The following PTPN11 variants were observed in gnomAD, a reference collection of about 807,000 sequenced individuals.
PTPN11 encodes protein tyrosine phosphatase non-receptor type 11, also known as tyrosine-protein phosphatase non-receptor type 11.
PTPN11 carries 6 observed loss-of-function variants against 78.8 expected under a neutral mutation model. The observed-to-expected ratio is 0.08, with a 90% CI of 0.04 to 0.15. PTPN11 has a LOEUF of 0.15. Ranked by LOEUF, PTPN11 falls within the 10% of genes least tolerant of loss-of-function variation. The pLI is 1.00. For synonymous variants in PTPN11, 221 were observed against 263.5 expected (o/e 0.84, Z 1.56); for missense variants, 386 against 744.8 (o/e 0.52, Z 5.61).
intron 1 of PTPN11, among the ~76,000 whole-genome samples, chr12:112,427,125 A>C (rs1222114386): frequency 6.6e-6 from 1 of 152,142 alleles, no homozygotes; most frequent in African/African-American, 2.4e-5. Flanking sequence ...GCATGCCTGT[A>C]GTCACAGCTA....
rs1248113094 is a variant in PTPN11, at chr12:112,482,646, C to G, written c.1224+441C>G. Among the ~76,000 whole-genome samples the G allele has an allele frequency of 6.6e-6, 1 of 152,172 alleles. No homozygotes were observed. The highest frequency in any genetic ancestry group is 6.6e-5 in the Admixed American group (1 of 15,266). The stretch of plus-strand genomic sequence containing the variant: ...GGCCTCCTCTCCAAGTATCCACAGA[C>G]TTCAGCAGTTGTTCTTTTTTGTTCC... On this transcript the variant is annotated intron_variant, in intron 10 of 15. Coordinates refer to ENST00000351677, the MANE Select transcript of PTPN11 (RefSeq NM_002834.5). The surrounding 1 kb of genome is among the most constrained non-coding windows in gnomAD (Gnocchi z 4.4).
chr12:112,443,653 C>CTT lies in PTPN11; in HGVS notation c.15-2607_15-2606dup, dbSNP rs150851094. On this transcript the variant is annotated intron_variant, in intron 1 of 15. Transcript: ENST00000351677. ...ACAGGTGTGAGCCACTGTGCCCGGT[C>CTT]TTTTTTTTTTTTTTTTTGAGACAGG... Among the ~76,000 whole-genome samples the CTT allele has an allele frequency of 3.3e-4, 44 of 131,712 alleles. 1 individual carries two copies. Among genetic ancestry groups the CTT allele is most frequent in the South Asian group, 9.7e-4 (4 of 4,112 alleles). The allele number at this position is 131,712 out of a possible 152,430, so 86.4% of individuals were successfully genotyped here.
intron 6 of PTPN11, among the ~76,000 whole-genome samples, chr12:112,472,460 G>T (rs143371722): frequency 6.6e-6 from 1 of 152,098 alleles, no homozygotes; most frequent in East Asian, 1.9e-4. Flanking sequence ...GTTTTATTTA[G>T]GCGGTCCTTT....
intron 2 of PTPN11, among the ~76,000 whole-genome samples, chr12:112,446,690 A>G (rs574384808): frequency 6.6e-6 from 1 of 151,112 alleles, no homozygotes; most frequent in East Asian, 2.0e-4. Context: ...TGGTTTCTGC[A>G]TTTTTCTTTT....
intron 1 of PTPN11, 64 bp from the exon 2 acceptor site, chr12:112,446,212 G>A: frequency 1.3e-6 from 2 of 1,597,774 alleles, no homozygotes; most frequent in South Asian, 2.2e-5. Flanking sequence ...TAGCTGTGTT[G>A]TTGTGGAAAG....
intron 6 of PTPN11, among the ~76,000 whole-genome samples, chr12:112,467,723 G>T (rs2038352984): frequency 6.6e-6 from 1 of 152,130 alleles, no homozygotes; most frequent in Non-Finnish European, 1.5e-5. Context: ...TCGGACTCCT[G>T]ATCTCAAGTA....
At chr12:112,431,939 A>C (rs1566157220) in intron 1 of PTPN11, among the ~76,000 whole-genome samples, 1 of 152,170 alleles carries the variant, frequency 6.6e-6, no homozygotes, top group Non-Finnish European at 1.5e-5. Flanking sequence ...AAAGGGGGGA[A>C]AAAAACCAGA....
chr12:112,424,867 T>TTG (rs567490227), intron 1 of PTPN11, among the ~76,000 whole-genome samples: 14,021 of 134,886 alleles, frequency 0.1, 863 homozygotes, highest in African/African-American at 0.17. Context: ...GTCAGGCTAA[T>TTG]TGTGTGTGTG....
rs1264351661 is a variant in PTPN11, at chr12:112,475,087, CTT to C, written c.853+2049_853+2050del. Among the ~76,000 whole-genome samples, 7 of 152,210 alleles carry C rather than the reference CTT, an allele frequency of 4.6e-5. No homozygotes were observed. In the East Asian group the frequency reaches 1.2e-3, roughly 25 times the overall value. ...CCGAGGTCTAACTCTATGCTGAACT[CTT>C]TGCATTTTTATCTCACTTAATCCAT... On this transcript the variant is annotated intron_variant, in intron 7 of 15. Transcript: ENST00000351677.
At chr12:112,430,892 ATTC>A (rs1377618799) in intron 1 of PTPN11, among the ~76,000 whole-genome samples, 1 of 152,162 alleles carries the variant, frequency 6.6e-6, no homozygotes, top group Non-Finnish European at 1.5e-5. Context: ...CACTTTGCAA[ATTC>A]TTATTAAAAT....
chr12:112,447,634 G>C (rs914743522), intron 2 of PTPN11, among the ~76,000 whole-genome samples: 1 of 151,744 alleles, frequency 6.6e-6, no homozygotes, highest in Non-Finnish European at 1.5e-5. Context: ...GGAGTGGCTG[G>C]GATTACAGGT....
rs907088678 is a variant in PTPN11, at chr12:112,442,612, C to T, written c.15-3664C>T. 9.3e-5 allele frequency among the ~76,000 whole-genome samples: 14 copies of T among 150,788 alleles called. 1 individual carries two copies. The East Asian group carries it at 1.7e-3, about 19-fold the overall frequency. Reference sequence around the variant, plus strand: ...GACTATAGGCGCTTGCCACCACGGCCGGCTAATTTTTGTATTTTTAGTAGA... The same window carrying T: ...GACTATAGGCGCTTGCCACCACGGCTGGCTAATTTTTGTATTTTTAGTAGA... On this transcript the variant is annotated intron_variant, in intron 1 of 15. Transcript: ENST00000351677.
intron 6 of PTPN11, among the ~76,000 whole-genome samples, chr12:112,461,322 GTTTTC>G (rs1417004922): frequency 2.0e-5 from 3 of 150,368 alleles, no homozygotes; most frequent in African/African-American, 7.3e-5. Context: ...TTACTAAGCA[GTTTTC>G]TTTTCTTTTT....
chr12:112,437,881 T>G (rs2037818916), intron 1 of PTPN11, among the ~76,000 whole-genome samples: 1 of 152,268 alleles, frequency 6.6e-6, no homozygotes, highest in East Asian at 1.9e-4. Context: ...CTATTTTTTT[T>G]AATACAAGTT....
At chr12:112,477,292 T>C (rs1413638520) in intron 7 of PTPN11, among the ~76,000 whole-genome samples, 1 of 152,156 alleles carries the variant, frequency 6.6e-6, no homozygotes, top group Non-Finnish European at 1.5e-5. Context: ...GCTGAAATTA[T>C]AGGCCACTGC....
intron 13 of PTPN11, among the ~76,000 whole-genome samples, chr12:112,496,039 A>G (rs1026707570): frequency 5.3e-5 from 8 of 152,250 alleles, no homozygotes; most frequent in Non-Finnish European, 1.2e-4. Context: ...CTTAATTGAA[A>G]CTGGAATGAC....
intron 13 of PTPN11, among the ~76,000 whole-genome samples, chr12:112,493,184 C>T (rs1592857383): frequency 1.3e-5 from 2 of 151,392 alleles, no homozygotes; most frequent in African/African-American, 4.9e-5. Flanking sequence ...TTGGCCTCCC[C>T]AGTAGCTGGG....
intron 1 of PTPN11, among the ~76,000 whole-genome samples, chr12:112,427,318 G>A (rs1484769050): frequency 6.6e-6 from 1 of 151,826 alleles, no homozygotes; most frequent in East Asian, 1.9e-4. Flanking sequence ...AGGCCGAGGC[G>A]GGTGGATCAG....
chr12:112,437,160 TA>T (rs1392834575), intron 1 of PTPN11, among the ~76,000 whole-genome samples: 1 of 152,122 alleles, frequency 6.6e-6, no homozygotes, highest in Non-Finnish European at 1.5e-5. Flanking sequence ...TATTTTATTT[TA>T]TTTTTTTGAG....
Sources: allele counts gnomAD v4.1 joint callset (sites outside exome capture counted in the v4.1 genomes callset), GRCh38; gene constraint gnomAD v4.1.1; non-coding constraint Gnocchi (gnomAD v3.1); transcripts MANE v1.5; gene names NCBI Gene and HGNC (gene_info 2026-07-23, HGNC 2026-07-21).